ITSN2: variants seen among roughly 807,000 people sequenced by gnomAD.
The protein encoded by ITSN2 is intersectin 2.
Under a neutral mutation model 243.7 loss-of-function variants are expected in ITSN2, and 156 were observed. The observed-to-expected ratio is 0.64, with a 90% confidence interval of 0.56 to 0.73. ITSN2 has a LOEUF of 0.73. ITSN2 is among the 30% of genes least tolerant of loss of function. ITSN2 has a pLI of 0.00. For missense variants in ITSN2, 1,801 were observed against 1,996.1 expected (o/e 0.90, Z 1.86); for synonymous variants, 703 against 699.9 (o/e 1.00, Z -0.07).
At chr2:24,215,202 T>A (rs772354604) in intron 32 of ITSN2, among the ~76,000 whole-genome samples, 20 of 152,246 alleles carry the variant, frequency 1.3e-4, no homozygotes, top group Non-Finnish European at 2.2e-4. Flanking sequence ...TCTGGAAGCT[T>A]TGATGACATC....
chr2:24,286,297 T>C lies in ITSN2; in HGVS notation c.1778A>G (p.Gln593Arg), dbSNP rs540086853. ...KKSLEKEELCQRLKEQLDALE... is the reference protein window; with the variant it reads ...KKSLEKEELCRRLKEQLDALE... ...AGCATCTAACTGTTCTTTAAGTCTTTGGCATAATTCTTCCTTTTCTAATGA... is the reference window on the plus strand; with the variant it reads ...AGCATCTAACTGTTCTTTAAGTCTTCGGCATAATTCTTCCTTTTCTAATGA... The change falls in exon 16 of 40, where the codon CAA (glutamine) becomes CGA (arginine). Residue 593 changes from glutamine (Q) to arginine (R), a missense_variant. Physicochemically the swap from Gln to Arg is conservative, Grantham distance 43 (BLOSUM62 1). Coordinates refer to ENST00000355123, the MANE Select transcript of ITSN2 (RefSeq NM_006277.3). The C allele has an allele frequency of 6.6e-5, 106 of 1,607,192 alleles. No individual in the cohort carries two copies. In the South Asian group the frequency reaches 1.0e-3, roughly 16 times the overall value.
chr2:24,351,499 C>T (rs534074095), intron 1 of ITSN2, among the ~76,000 whole-genome samples: 2 of 152,292 alleles, frequency 1.3e-5, no homozygotes, highest in East Asian at 3.9e-4. Flanking sequence ...GCTTCAATTT[C>T]CTAACCAAAT....
chr2:24,359,610 C>T (rs1463021765), intron 1 of ITSN2, among the ~76,000 whole-genome samples: 2 of 152,148 alleles, frequency 1.3e-5, no homozygotes, highest in African/African-American at 4.8e-5. Flanking sequence ...TACCCACTCA[C>T]TATGCATATG....
chr2:24,332,271 A>G (rs1685879675), intron 1 of ITSN2, among the ~76,000 whole-genome samples: 2 of 152,110 alleles, frequency 1.3e-5, no homozygotes, highest in African/African-American at 4.8e-5. Flanking sequence ...TTGTATACTC[A>G]ATGATTGTCT....
intron 29 of ITSN2, among the ~76,000 whole-genome samples, chr2:24,233,164 T>C (rs1671794501): frequency 6.6e-6 from 1 of 152,148 alleles, no homozygotes; most frequent in Non-Finnish European, 1.5e-5. Flanking sequence ...CATATGCACA[T>C]ATATATTTTT....
At chr2:24,298,243 C>T (rs1405050129) in intron 13 of ITSN2, among the ~76,000 whole-genome samples, 1 of 152,122 alleles carries the variant, frequency 6.6e-6, no homozygotes, top group African/African-American at 2.4e-5. Context: ...CTGCAACCTC[C>T]GCCTCCCAGG....
In ITSN2 at chr2:24,249,117, C is replaced by T. The variant is rs1303235539; in HGVS notation, c.3121-235G>A. The stretch of plus-strand genomic sequence containing the variant: ...ATATACGAGTGGCTGTCATCGTCAA[C>T]CATTGACTCAACAGGAAGAGCTCGT... On this transcript the variant is annotated intron_variant, in intron 25 of 39. Coordinates refer to ENST00000355123, the MANE Select transcript of ITSN2 (RefSeq NM_006277.3). The surrounding 1 kb of genome is among the most constrained non-coding windows in gnomAD (Gnocchi z 4.4). Among the ~76,000 whole-genome samples, 1 of 152,110 alleles carries T rather than the reference C, an allele frequency of 6.6e-6. No homozygotes were observed. The highest frequency in any genetic ancestry group is 2.4e-5 in the African/African-American group (1 of 41,428).
At chr2:24,297,478 G>A (rs1016696043) in intron 13 of ITSN2, among the ~76,000 whole-genome samples, 1 of 152,174 alleles carries the variant, frequency 6.6e-6, no homozygotes, top group Non-Finnish European at 1.5e-5. Flanking sequence ...CTACAATCCT[G>A]CAGAACTGGA....
chr2:24,212,922 T>G (rs1339110781), intron 32 of ITSN2, among the ~76,000 whole-genome samples, 174 bp from the exon 33 acceptor site: 1 of 152,208 alleles, frequency 6.6e-6, no homozygotes, highest in African/African-American at 2.4e-5. Flanking sequence ...TATTTTAAAA[T>G]TTGTGTATAT....
Position 24,308,818 on chromosome 2 carries a change from A to G in ITSN2, c.654-62T>C, listed in dbSNP as rs1490984460. The G allele has an allele frequency of 1.8e-5, 17 of 969,476 alleles. No individual in the cohort carries two copies. In the South Asian group the frequency reaches 3.3e-4, roughly 19 times the overall value. The allele number at this position is 969,476 out of a possible 1,614,324, so 60.1% of individuals were successfully genotyped here. ...AATAAAATATATTTAATTAAATTTT[A>G]TAAGACCAAGGCATTAAGAATCTTA... On this transcript the variant is annotated intron_variant, in intron 7 of 39. Coordinates refer to ENST00000355123, the MANE Select transcript of ITSN2 (RefSeq NM_006277.3).
chr2:24,209,016 C>T lies in ITSN2; in HGVS notation c.4595+84G>A, dbSNP rs111398469. 532 of 1,492,046 alleles carry T rather than the reference C, an allele frequency of 3.6e-4. 4 individuals are homozygous for T. The African/African-American group carries it at 5.7e-3, about 16-fold the overall frequency. 92.4% of individuals were successfully genotyped at this position (1,492,046 alleles called of 1,614,324 possible). A position where few individuals can be genotyped will look rare whatever the true frequency, so the allele number is the denominator to read the frequency against. Reference sequence around the variant, plus strand: ...ATACAGAATTAGTGGGGCTTAAGCACGGCTGGAGATGGGTTTATGGCAGAG... The same window carrying T: ...ATACAGAATTAGTGGGGCTTAAGCATGGCTGGAGATGGGTTTATGGCAGAG... On this transcript the variant is annotated intron_variant, in intron 36 of 39. Transcript: ENST00000355123.
intron 17 of ITSN2, among the ~76,000 whole-genome samples, chr2:24,280,162 C>G (rs1012323388): frequency 1.7e-4 from 26 of 152,188 alleles, no homozygotes; most frequent in African/African-American, 6.0e-4. Context: ...ATTGCAGGTT[C>G]CAGTAAAACA....
At chr2:24,213,874 C>T (rs560637149) in intron 32 of ITSN2, among the ~76,000 whole-genome samples, 13 of 152,326 alleles carry the variant, frequency 8.5e-5, no homozygotes, top group African/African-American at 2.9e-4. Context: ...GCTCTGTCCT[C>T]ACTGCCTTAT....
intron 20 of ITSN2, among the ~76,000 whole-genome samples, chr2:24,262,267 T>G (rs1676003349): frequency 6.6e-6 from 1 of 152,208 alleles, no homozygotes; most frequent in South Asian, 2.1e-4. Flanking sequence ...ATATTATGAT[T>G]ATGTTTAAAT....
At chr2:24,272,226 G>GA (rs1197252171) in intron 18 of ITSN2, among the ~76,000 whole-genome samples, 2 of 151,454 alleles carry the variant, frequency 1.3e-5, no homozygotes, top group African/African-American at 4.8e-5. Flanking sequence ...CCAAACTCAA[G>GA]AAAAAAAGAA....
chr2:24,216,271 A>T, intron 31 of ITSN2, 39 bp from the exon 32 acceptor site: 1 of 1,484,016 alleles, frequency 6.7e-7, no homozygotes, highest in Non-Finnish European at 9.1e-7. Flanking sequence ...TTCTAAGTGA[A>T]TGACTTAGGT....
chr2:24,248,682 A>AG lies in ITSN2; in HGVS notation c.3234_3235insC (p.Ile1080AsnfsTer34). The AG allele has an allele frequency of 6.2e-7, 1 of 1,612,518 alleles. No homozygotes were observed. The highest frequency in any genetic ancestry group is 8.5e-7 in the Non-Finnish European group (1 of 1,178,892). ...GTATTTTTCTTTAGAATTAATATTA[A>AG]CTGTCCTGGTGCAAGGCTAAGTTGT... On this transcript the variant is annotated frameshift_variant, in exon 27 of 40. Transcript: ENST00000355123. LOFTEE classifies it high-confidence loss of function.
intron 17 of ITSN2, among the ~76,000 whole-genome samples, chr2:24,276,059 C>T (rs1362250321): frequency 6.6e-6 from 1 of 152,044 alleles, no homozygotes; most frequent in Non-Finnish European, 1.5e-5. Context: ...TTAAAATAAT[C>T]TACTTTTCCA....
chr2:24,224,961 T>G (rs1670883866), intron 29 of ITSN2, among the ~76,000 whole-genome samples: 1 of 152,142 alleles, frequency 6.6e-6, no homozygotes, highest in African/African-American at 2.4e-5. Flanking sequence ...TGTTTAAGTT[T>G]CCAACCCAGC....
Sources: gnomAD v4.1 joint callset for allele counts (sites outside exome capture counted in the v4.1 genomes callset) on GRCh38, gnomAD v4.1.1 for gene constraint, Gnocchi (gnomAD v3.1) non-coding constraint, MANE v1.5 for transcripts, NCBI Gene and HGNC (gene_info 2026-07-23, HGNC 2026-07-21) for gene names.